Variants in PNO1 observed in about 807,000 individuals in gnomAD.
PNO1 encodes the protein partner of NOB1 homolog, also known as RNA-binding protein PNO1.
In PNO1, 16 loss-of-function variants were observed where a neutral mutation model predicts 28.4. That is an observed-to-expected ratio of 0.56 (90% CI 0.38 to 0.85). The LOEUF is 0.85. PNO1 is among the 40% of genes least tolerant of loss of function. The pLI is 0.00. For missense variants in PNO1, 304 were observed against 312.2 expected, an observed-to-expected ratio of 0.97 and a Z score of 0.20; for synonymous variants, 115 against 110.8, an observed-to-expected ratio of 1.04 and a Z score of -0.24.
intron 5 of PNO1, among the ~76,000 whole-genome samples, chr2:68,165,235 G>A (rs899787387): frequency 6.6e-6 from 1 of 150,702 alleles, no homozygotes; most frequent in Non-Finnish European, 1.5e-5. Context: ...GTAGTGGCGG[G>A]CGCCTGTAGT....
At chr2:68,159,198 T>C (rs766022590) in intron 2 of PNO1, among the ~76,000 whole-genome samples, 9 of 152,184 alleles carry the variant, frequency 5.9e-5, no homozygotes, top group Non-Finnish European at 1.2e-4. Flanking sequence ...GACTGTGTTT[T>C]AATGGTGCTC....
chr2:68,162,722 A>G lies in PNO1; in HGVS notation c.620+59A>G, dbSNP rs138602007. 3.6e-4 allele frequency: 399 copies of G among 1,107,144 alleles called. 2 individuals carry two copies. In the East Asian group the frequency reaches 4.0e-3, roughly 11 times the overall value. 68.6% of individuals were successfully genotyped at this position (1,107,144 alleles called of 1,614,324 possible). A position where few individuals can be genotyped will look rare whatever the true frequency, so the allele number is the denominator to read the frequency against. On this transcript the variant is annotated intron_variant, in intron 5 of 6. Coordinates refer to ENST00000263657, the MANE Select transcript of PNO1 (RefSeq NM_020143.4). ...AATTTATATTTGATCTTTTGTTTTA[A>G]GAAAGTCATAACAGTTGTATTTTAT...
chr2:68,173,621 C>T (rs534509643), intron 6 of PNO1, among the ~76,000 whole-genome samples: 3 of 125,064 alleles, frequency 2.4e-5, no homozygotes, highest in Admixed American at 2.0e-4. Context: ...CTCGCTGTGT[C>T]GCCTAGGTTG....
intron 5 of PNO1, among the ~76,000 whole-genome samples, chr2:68,171,200 T>G (rs1162306514): frequency 2.6e-5 from 4 of 152,252 alleles, no homozygotes; most frequent in Non-Finnish European, 1.5e-5. Flanking sequence ...TTCTTCATTT[T>G]CGTCGTACTA....
Position 68,176,199 on chromosome 2 carries a change from TGGAA to T in PNO1, c.*1402_*1405del, listed in dbSNP as rs1674279258. 6.6e-6 allele frequency: 1 copy of T among 152,224 alleles called. No homozygotes were observed. Among genetic ancestry groups the T allele is most frequent in the Non-Finnish European group, 1.5e-5 (1 of 68,036 alleles). 9.4% of individuals were successfully genotyped at this position (152,224 alleles called of 1,614,324 possible). On this transcript the variant is annotated 3_prime_UTR_variant, in exon 7 of 7. Transcript: ENST00000263657. ...TGGTATTATTTTATACATTACAAAA[TGGAA>T]GGAACTTACTTTATTAAACTTAACT...
intron 5 of PNO1, chr2:68,173,133 T>A: frequency 1.3e-5 from 3 of 224,114 alleles, no homozygotes; most frequent in East Asian, 7.2e-5. Context: ...GGTCTGTCAC[T>A]CAGGTTGGCA....
chr2:68,161,273 T>C (rs1364133940), intron 2 of PNO1: 2 of 471,780 alleles, frequency 4.2e-6, no homozygotes, highest in East Asian at 6.9e-5. Flanking sequence ...ATATAAATGA[T>C]AACTAAGAAG....
At position 68,175,667 on chromosome 2, in the gene PNO1, GCAGTTT is replaced by G. The variant is rs1674259947; in HGVS notation, c.*868_*873del. ...CTTGGAACCTGTTTTGCAGTTTCTTGCAGTTTCAAAAATTAAAGACCTACATCACAG... is the reference window on the plus strand; with the variant it reads ...CTTGGAACCTGTTTTGCAGTTTCTTGCAAAAATTAAAGACCTACATCACAG... On this transcript the variant is annotated 3_prime_UTR_variant, in exon 7 of 7. Transcript: ENST00000263657. 3.5e-5 allele frequency: 4 copies of G among 112,986 alleles called. No homozygotes were observed. Among genetic ancestry groups the G allele is most frequent in the Non-Finnish European group, 7.3e-5 (4 of 54,442 alleles). The allele number at this position is 112,986 out of a possible 1,614,324, so 7.0% of individuals were successfully genotyped here.
chr2:68,170,883 A>T (rs1558621767), intron 5 of PNO1, among the ~76,000 whole-genome samples: 1 of 151,586 alleles, frequency 6.6e-6, no homozygotes, highest in African/African-American at 2.4e-5. Flanking sequence ...TATTTTGTTC[A>T]TATACAGCCT....
chr2:68,167,950 C>T (rs1674033699), intron 5 of PNO1, among the ~76,000 whole-genome samples: 1 of 152,174 alleles, frequency 6.6e-6, no homozygotes, highest in South Asian at 2.1e-4. Context: ...CCTGCACCCA[C>T]ATAAAAGCTG....
chr2:68,161,659 G>T (rs1434328186), intron 2 of PNO1, 24 bp from the exon 3 acceptor site: 3 of 1,388,114 alleles, frequency 2.2e-6, no homozygotes, highest in South Asian at 1.2e-5. Context: ...ACGGTATTTT[G>T]TACCCTTTTT....
intron 5 of PNO1, among the ~76,000 whole-genome samples, chr2:68,166,363 T>C (rs13416892): frequency 0.026 from 3,876 of 149,900 alleles, 148 homozygotes; most frequent in African/African-American, 0.087. Flanking sequence ...ATGTATTATA[T>C]ACTGTACTCT....
At chr2:68,167,736 C>T (rs1674029623) in intron 5 of PNO1, among the ~76,000 whole-genome samples, 1 of 152,142 alleles carries the variant, frequency 6.6e-6, no homozygotes, top group Non-Finnish European at 1.5e-5. Context: ...TGTCTGCTGC[C>T]CTTTGGTGAG....
rs775149206 is a variant in PNO1 at position 68,162,640 on chromosome 2, G to A, written c.597G>A (p.Arg199=). Residue 199 remains arginine (R), a synonymous_variant, in exon 5 of 7, where the codon CGG becomes CGA. Coordinates refer to ENST00000263657, the MANE Select transcript of PNO1 (RefSeq NM_020143.4). ...KTKFTIENVT[R]TRIVLADVKV... is the part of the protein sequence containing the mutation. ...AATTCACCATAGAGAATGTGACACG[G>A]ACAAGGATAGTTTTGGCTGATGTGT... The A allele has an allele frequency of 2.5e-6, 4 of 1,610,676 alleles. No homozygotes were observed. Among genetic ancestry groups the A allele is most frequent in the Non-Finnish European group, 3.4e-6 (4 of 1,176,882 alleles).
In PNO1 at chr2:68,162,569, C is replaced by G. The variant is rs765049894; in HGVS notation, c.526C>G (p.Leu176Val). 5 of 1,613,302 alleles carry G rather than the reference C, an allele frequency of 3.1e-6. No homozygotes were observed. In the South Asian group the frequency reaches 4.4e-5, roughly 14 times the overall value. Residue 176 changes from leucine to valine, a missense_variant, in exon 5 of 7, where the codon CTA becomes GTA. Coordinates refer to ENST00000263657, the MANE Select transcript of PNO1 (RefSeq NM_020143.4). ...TDVKPLKGDH[L>V]SRAIGRIAGK... ...AGTTAAACCCCTAAAGGGAGACCAT[C>G]TATCCAGGGCAATAGGAAGAATCGC...
chr2:68,172,099 G>C (rs1280599339), intron 5 of PNO1, among the ~76,000 whole-genome samples: 1 of 152,182 alleles, frequency 6.6e-6, no homozygotes, highest in Non-Finnish European at 1.5e-5. Context: ...GGACCTGAGA[G>C]GCTGGCATGT....
At chr2:68,170,696 C>T (rs1424562463) in intron 5 of PNO1, among the ~76,000 whole-genome samples, 4 of 130,260 alleles carry the variant, frequency 3.1e-5, no homozygotes, top group Non-Finnish European at 6.1e-5. Context: ...TGCAGTGAGC[C>T]GAGATTGCGC....
intron 4 of PNO1, 32 bp downstream of exon 4, chr2:68,162,357 G>A (rs372636051): frequency 2.8e-5 from 44 of 1,544,048 alleles, no homozygotes; most frequent in African/African-American, 2.5e-4. Flanking sequence ...CTCTTGTGTC[G>A]CTGACTTTGT....
At chr2:68,172,498 G>C (rs1306963023) in intron 5 of PNO1, among the ~76,000 whole-genome samples, 1 of 152,174 alleles carries the variant, frequency 6.6e-6, no homozygotes, top group Non-Finnish European at 1.5e-5. Context: ...AAAACAGTTT[G>C]GAAGATGGAC....
Sources: gnomAD v4.1 joint callset for allele counts (sites outside exome capture counted in the v4.1 genomes callset) on GRCh38, gnomAD v4.1.1 for gene constraint, MANE v1.5 for transcripts, NCBI Gene and HGNC (gene_info 2026-07-23, HGNC 2026-07-21) for gene names.